Variants in YEATS2 observed in about 807,000 individuals in gnomAD.
The protein encoded by YEATS2 is YEATS domain containing 2.
In YEATS2, 77 loss-of-function variants were observed where a neutral mutation model predicts 163.2. The observed-to-expected ratio is 0.47, with a 90% CI of 0.39 to 0.57. The LOEUF (loss-of-function observed/expected upper bound fraction) is 0.57, where lower values mean the gene tolerates loss of function less well. Ranked by LOEUF, YEATS2 falls within the 20% of genes least tolerant of loss-of-function variation. The pLI is 0.00. For missense variants in YEATS2, 1,549 were observed against 1,729.8 expected (o/e 0.90, Z 1.85); for synonymous variants, 631 against 645.1 (o/e 0.98, Z 0.33).
Position 183,810,735 on chromosome 3 carries a change from G to T in YEATS2, c.*152G>T. ...CGCTGCCTGTTCCCACGTGTCACCAGCACGCTGCACTCCAGATGAAATCCT... is the reference window on the plus strand; with the variant it reads ...CGCTGCCTGTTCCCACGTGTCACCATCACGCTGCACTCCAGATGAAATCCT... On this transcript the variant is annotated 3_prime_UTR_variant, in exon 31 of 31. Coordinates refer to ENST00000305135, the MANE Select transcript of YEATS2 (RefSeq NM_018023.5). 1.6e-6 allele frequency: 1 copy of T among 640,580 alleles called. No individual in the cohort carries two copies. The allele number at this position is 640,580 out of a possible 1,614,324, so 39.7% of individuals were successfully genotyped here. A position where few individuals can be genotyped will look rare whatever the true frequency, so the allele number is the denominator to read the frequency against.
chr3:183,798,446 T>C (rs946097662), intron 22 of YEATS2, among the ~76,000 whole-genome samples: 3 of 152,164 alleles, frequency 2.0e-5, no homozygotes, highest in Non-Finnish European at 2.9e-5. Context: ...CTCCACCTCC[T>C]GGGTTCAAGC....
intron 1 of YEATS2, among the ~76,000 whole-genome samples, chr3:183,714,591 T>G (rs1369430008): frequency 6.6e-6 from 1 of 152,130 alleles, no homozygotes; most frequent in East Asian, 1.9e-4. Context: ...TTAATATAAG[T>G]CTATAGATTT....
chr3:183,784,433 G>A (rs263015), intron 19 of YEATS2, among the ~76,000 whole-genome samples: 109,657 of 152,060 alleles, frequency 0.72, 40,721 homozygotes, highest in East Asian at 0.96. Flanking sequence ...CTTTTTAATG[G>A]GGTTTATTTA....
chr3:183,709,811 A>G (rs995735648), intron 1 of YEATS2, among the ~76,000 whole-genome samples: 12 of 151,026 alleles, frequency 7.9e-5, no homozygotes, highest in South Asian at 6.3e-4. Flanking sequence ...CGGAGTAGCT[A>G]GGACTACAGG....
intron 15 of YEATS2, among the ~76,000 whole-genome samples, chr3:183,768,738 C>T (rs556823902): frequency 9.9e-5 from 15 of 152,148 alleles, no homozygotes; most frequent in African/African-American, 2.9e-4. Context: ...TTTGGGAGGC[C>T]GAGACAGGTA....
At chr3:183,700,852 G>A (rs1370525819) in intron 1 of YEATS2, among the ~76,000 whole-genome samples, 1 of 151,162 alleles carries the variant, frequency 6.6e-6, no homozygotes, top group Non-Finnish European at 1.5e-5. Context: ...CCAGAAACAG[G>A]CAAGTTTATC....
chr3:183,771,542 CCTTTTTTTTTTTT>C (rs1722468394), intron 15 of YEATS2, among the ~76,000 whole-genome samples: 1 of 60,812 alleles, frequency 1.6e-5, no homozygotes, highest in African/African-American at 9.7e-5. Flanking sequence ...ATTATTCTTG[CCTTTTTTTTTTTT>C]TTTTTTTTTT....
rs1560220669 is a variant in YEATS2, at chr3:183,712,199, T to TTATGTTATGTTATGTTATGTTATG, written c.-19-2944_-19-2943insATGTTATGTTATGTTATGTTATGT. ...AGCATTTTATGTTCTTTTATTTTATTTTATTTTATTTTATTTTATTTTATT... is the reference window on the plus strand; with the variant it reads ...AGCATTTTATGTTCTTTTATTTTATTTATGTTATGTTATGTTATGTTATGTTATTTTATTTTATTTTATTTTATT... On this transcript the variant is annotated intron_variant, in intron 1 of 30. Coordinates refer to ENST00000305135, the MANE Select transcript of YEATS2 (RefSeq NM_018023.5). Among the ~76,000 whole-genome samples, 505 of 93,916 alleles carry TTATGTTATGTTATGTTATGTTATG rather than the reference T, an allele frequency of 5.4e-3. 8 individuals are homozygous for TTATGTTATGTTATGTTATGTTATG. Among genetic ancestry groups the TTATGTTATGTTATGTTATGTTATG allele is most frequent in the African/African-American group, 0.03 (484 of 15,922 alleles). 61.6% of individuals were successfully genotyped at this position (93,916 alleles called of 152,430 possible).
At chr3:183,738,754 A>G (rs1198091626) in intron 8 of YEATS2, among the ~76,000 whole-genome samples, 14 of 120,628 alleles carry the variant, frequency 1.2e-4, no homozygotes, top group African/African-American at 4.1e-4. Context: ...ATGGCTGCAT[A>G]GTATTCCATG....
At chr3:183,806,650 C>G in intron 27 of YEATS2, 1 of 574,676 alleles carries the variant, frequency 1.7e-6, no homozygotes, top group East Asian at 3.0e-5. Context: ...TGGCAGTTAC[C>G]TTACATAGAT....
intron 25 of YEATS2, chr3:183,801,985 C>T (rs569101266): frequency 6.3e-6 from 1 of 158,168 alleles, no homozygotes; most frequent in Admixed American, 6.4e-5. Flanking sequence ...TGCTCGAGAT[C>T]ACAGAGCCAC....
chr3:183,747,844 A>G, intron 9 of YEATS2, 128 bp downstream of exon 9: 1 of 718,206 alleles, frequency 1.4e-6, no homozygotes. Context: ...CAGTGGCATG[A>G]TCTCGGCTCA....
At chr3:183,761,776 T>C (rs1721379326) in intron 14 of YEATS2, among the ~76,000 whole-genome samples, 162 bp downstream of exon 14, 1 of 152,206 alleles carries the variant, frequency 6.6e-6, no homozygotes, top group Non-Finnish European at 1.5e-5. Context: ...GGGCAGCCCT[T>C]GGAGTCCAGC....
intron 1 of YEATS2, among the ~76,000 whole-genome samples, chr3:183,712,214 T>G (rs200165606): frequency 0.015 from 1,489 of 102,690 alleles, 71 homozygotes; most frequent in African/African-American, 0.054. Flanking sequence ...TTTATTTTAT[T>G]TTATTTTATT....
chr3:183,795,793 A>G (rs1577210288), intron 21 of YEATS2, among the ~76,000 whole-genome samples: 1 of 152,236 alleles, frequency 6.6e-6, no homozygotes, highest in Admixed American at 6.5e-5. Flanking sequence ...ACTTCAGATC[A>G]TTGTTAAACT....
At chr3:183,768,322 A>G (rs952878086) in intron 15 of YEATS2, among the ~76,000 whole-genome samples, 1 of 152,184 alleles carries the variant, frequency 6.6e-6, no homozygotes, top group African/African-American at 2.4e-5. Flanking sequence ...CAGAGCCCGA[A>G]AGTCGCTCTC....
chr3:183,736,503 A>G (rs1006942096), intron 7 of YEATS2, among the ~76,000 whole-genome samples: 3 of 152,336 alleles, frequency 2.0e-5, no homozygotes, highest in African/African-American at 7.2e-5. Flanking sequence ...TTAGCGTTCA[A>G]TAATTGAAAG....
intron 26 of YEATS2, 52 bp downstream of exon 26, chr3:183,803,387 T>C (rs988521568): frequency 1.5e-5 from 22 of 1,498,204 alleles, no homozygotes; most frequent in Middle Eastern, 1.9e-4. Flanking sequence ...CCTTGTCTTA[T>C]GGAACAGGGA....
intron 1 of YEATS2, among the ~76,000 whole-genome samples, chr3:183,706,472 C>A (rs985468001): frequency 3.9e-5 from 6 of 152,138 alleles, no homozygotes; most frequent in African/African-American, 1.4e-4. Context: ...GTATAGTTTA[C>A]AGACAGTGAA....
Sources: allele counts gnomAD v4.1 joint callset (sites outside exome capture counted in the v4.1 genomes callset), GRCh38; gene constraint gnomAD v4.1.1; transcripts MANE v1.5; gene names NCBI Gene and HGNC (gene_info 2026-07-23, HGNC 2026-07-21).